The following SHOC1 variants were observed in gnomAD, a reference collection of about 807,000 sequenced individuals.
SHOC1 encodes the protein protein shortage in chiasmata 1 ortholog.
SHOC1 carries 136 observed loss-of-function variants against 179.2 expected under a neutral mutation model. That is an observed-to-expected ratio of 0.76 (90% confidence interval 0.66 to 0.87). The LOEUF is 0.87. Ranked by LOEUF, SHOC1 falls within the 40% of genes least tolerant of loss-of-function variation. The probability of loss-of-function intolerance (pLI) is 0.00; values close to 1 mark genes in which losing one functional copy is unlikely to be tolerated. For synonymous variants in SHOC1, 489 were observed against 586.6 expected (o/e 0.83, Z 2.41); for missense variants, 1,538 against 1,700.8 (o/e 0.90, Z 1.68).
chr9:111,717,972 G>A (rs1437793184), intron 16 of SHOC1, among the ~76,000 whole-genome samples: 2 of 152,126 alleles, frequency 1.3e-5, no homozygotes, highest in Non-Finnish European at 2.9e-5. Flanking sequence ...TCTAGGTGAT[G>A]ACAGTGTTAA....
intron 23 of SHOC1, among the ~76,000 whole-genome samples, chr9:111,701,615 G>A (rs1484470187): frequency 6.6e-6 from 1 of 151,962 alleles, no homozygotes; most frequent in Non-Finnish European, 1.5e-5. Flanking sequence ...AATGCTTTAC[G>A]CCCTTTATTA....
chr9:111,786,008 C>A lies in SHOC1; in HGVS notation c.73G>T (p.Asp25Tyr), dbSNP rs1312372169. 1 of 1,506,824 alleles carries A rather than the reference C, an allele frequency of 6.6e-7. No homozygotes were observed. The highest frequency in any genetic ancestry group is 8.9e-7 in the Non-Finnish European group (1 of 1,129,066). 93.3% of individuals were successfully genotyped at this position (1,506,824 alleles called of 1,614,324 possible). The change falls in exon 3 of 28, where the codon GAT becomes TAT. Residue 25 changes from aspartate (D) to tyrosine (Y), a missense_variant. Transcript: ENST00000682961. ...ENVVRKKFYR[D>Y]ALLLRIPSCL... ...GAAGGGATTCGAAGCAATAAAGCAT[C>A]TCTGTAAAACTTCTTTCTAACCACA...
intron 3 of SHOC1, among the ~76,000 whole-genome samples, chr9:111,784,068 G>T (rs1305881705): frequency 6.6e-6 from 1 of 152,168 alleles, no homozygotes; most frequent in Non-Finnish European, 1.5e-5. Flanking sequence ...ATCTCAGAAT[G>T]TTGCATTCCC....
intron 17 of SHOC1, among the ~76,000 whole-genome samples, chr9:111,713,553 G>A (rs770553696): frequency 1.3e-5 from 2 of 152,002 alleles, no homozygotes; most frequent in Non-Finnish European, 2.9e-5. Context: ...GGGAGAGGTG[G>A]GAGAGCAAAT....
At chr9:111,759,795 G>T (rs1191477095) in intron 5 of SHOC1, among the ~76,000 whole-genome samples, 5 of 152,194 alleles carry the variant, frequency 3.3e-5, no homozygotes, top group African/African-American at 1.2e-4. Flanking sequence ...GTCTCCCACG[G>T]TTAACTACAT....
intron 7 of SHOC1, 89 bp from the exon 8 acceptor site, chr9:111,756,567 A>G: frequency 9.0e-7 from 1 of 1,108,328 alleles, no homozygotes; most frequent in Admixed American, 2.4e-5. Flanking sequence ...TGCTTAAATG[A>G]TGTGCCAAAT....
chr9:111,757,757 A>T (rs1314850316), intron 7 of SHOC1, among the ~76,000 whole-genome samples: 2 of 152,200 alleles, frequency 1.3e-5, no homozygotes, highest in African/African-American at 4.8e-5. Context: ...ACTAGACATG[A>T]CTACTTAATT....
intron 12 of SHOC1, among the ~76,000 whole-genome samples, chr9:111,733,004 A>C (rs942301207): frequency 4.0e-5 from 6 of 150,824 alleles, no homozygotes; most frequent in Admixed American, 6.7e-5. Flanking sequence ...AAATCTTCAC[A>C]TTTGGAGCCT....
chr9:111,737,699 CA>C (rs1355278539), intron 12 of SHOC1, among the ~76,000 whole-genome samples: 5 of 131,942 alleles, frequency 3.8e-5, no homozygotes, highest in African/African-American at 9.6e-5. Flanking sequence ...CCCCCCCCCC[CA>C]CACACAAAAT....
chr9:111,746,117 C>T (rs1307591018), intron 10 of SHOC1, 117 bp downstream of exon 10: 2 of 600,772 alleles, frequency 3.3e-6, no homozygotes, highest in Admixed American at 5.6e-5. Flanking sequence ...AGACACTGTA[C>T]TAGCTCTTAA....
At chr9:111,758,266 C>G in intron 6 of SHOC1, 71 bp from the exon 7 acceptor site, 1 of 777,486 alleles carries the variant, frequency 1.3e-6, no homozygotes, top group Non-Finnish European at 2.0e-6. Flanking sequence ...AACCAAAACA[C>G]ATAATCATTA....
chr9:111,735,048 C>A (rs1324856950), intron 12 of SHOC1, among the ~76,000 whole-genome samples: 1 of 152,122 alleles, frequency 6.6e-6, no homozygotes, highest in Non-Finnish European at 1.5e-5. Flanking sequence ...TTAGCTCCCA[C>A]TAGAACATGC....
At chr9:111,793,945 G>A (rs1478509658) in intron 1 of SHOC1, among the ~76,000 whole-genome samples, 4 of 151,938 alleles carry the variant, frequency 2.6e-5, no homozygotes, top group Admixed American at 6.6e-5. Flanking sequence ...TCCAGCTCCC[G>A]GGTTCAAGCG....
chr9:111,741,334 A>C, intron 11 of SHOC1, 142 bp downstream of exon 11: 1 of 534,122 alleles, frequency 1.9e-6, no homozygotes, highest in Non-Finnish European at 3.4e-6. Flanking sequence ...ACCTTATGGA[A>C]GATATCTTGG....
In SHOC1 at chr9:111,730,866, C is replaced by T. The variant is rs149514281; in HGVS notation, c.1418-2817G>A. ...TAGATAACACTTTCTTCAAATAGAA[C>T]GCTGTTTCATCTACATTGAATATCT... is the stretch of plus-strand genomic sequence containing the variant. On this transcript the variant is annotated intron_variant, in intron 12 of 27. Coordinates refer to ENST00000682961, the MANE Select transcript of SHOC1 (RefSeq NM_001378211.1). Among the ~76,000 whole-genome samples, 56 of 152,286 alleles carry T rather than the reference C, an allele frequency of 3.7e-4. No individual in the cohort carries two copies. The East Asian group carries it at 8.3e-3, about 23-fold the overall frequency.
chr9:111,705,414 G>T, intron 20 of SHOC1, 50 bp from the exon 21 acceptor site: 2 of 828,350 alleles, frequency 2.4e-6, no homozygotes, highest in Non-Finnish European at 3.5e-6. Flanking sequence ...TCATCTCCCA[G>T]CTCTTTCTCT....
chr9:111,747,373 CAT>C (rs1435706217), intron 9 of SHOC1, among the ~76,000 whole-genome samples: 10 of 151,696 alleles, frequency 6.6e-5, no homozygotes, highest in Admixed American at 2.6e-4. Flanking sequence ...ATAATGATGA[CAT>C]AGAGAACGAT....
chr9:111,727,804 T>G lies in SHOC1; in HGVS notation c.1663A>C (p.Thr555Pro). 1 of 1,613,036 alleles carries G rather than the reference T, an allele frequency of 6.2e-7. No homozygotes were observed. Among genetic ancestry groups the G allele is most frequent in the Non-Finnish European group, 8.5e-7 (1 of 1,179,596 alleles). ...ENNDHFELDCTGPSIKSPSSS... is the reference protein window; with the variant it reads ...ENNDHFELDCPGPSIKSPSSS... ...GAAGGTGATTTAATAGATGGTCCTG[T>G]GCAGTCAAGTTCAAAGTGATCGTTA... The change falls in exon 13 of 28, where the codon ACA (threonine) becomes CCA (proline). Residue 555 changes from threonine (T) to proline (P), a missense_variant. Coordinates refer to ENST00000682961, the MANE Select transcript of SHOC1 (RefSeq NM_001378211.1).
chr9:111,794,195 C>T (rs759048583), intron 1 of SHOC1, among the ~76,000 whole-genome samples: 1 of 150,998 alleles, frequency 6.6e-6, no homozygotes, highest in Non-Finnish European at 1.5e-5. Context: ...TGTGAATCTT[C>T]GGGCTGGCTT....
Sources: allele counts gnomAD v4.1 joint callset (sites outside exome capture counted in the v4.1 genomes callset), GRCh38; gene constraint gnomAD v4.1.1; transcripts MANE v1.5; gene names NCBI Gene and HGNC (gene_info 2026-07-23, HGNC 2026-07-21).